PTDSS2: variants seen among roughly 807,000 people sequenced by gnomAD.
PTDSS2 encodes PSS-2.
In PTDSS2, 41 loss-of-function variants were observed where a neutral mutation model predicts 64.7. The ratio of observed to expected loss-of-function variants is 0.63; its 90% CI spans 0.49 to 0.82. PTDSS2 has a LOEUF of 0.82. Among genes scored for constraint, PTDSS2 ranks in the 40% least tolerant of loss-of-function variants. The pLI, the probability that PTDSS2 is intolerant of heterozygous loss-of-function variation, is 0.00. For synonymous variants in PTDSS2, 297 were observed against 277.8 expected, an observed-to-expected ratio of 1.07 and a Z score of -0.69; for missense variants, 485 against 650.0, an observed-to-expected ratio of 0.75 and a Z score of 2.76.
chr11:489,792 G>A (rs894892286), intron 10 of PTDSS2, 59 bp downstream of exon 10: 86 of 1,573,314 alleles, frequency 5.5e-5, no homozygotes, highest in Non-Finnish European at 6.7e-5. Context: ...CGGAGGGCTG[G>A]GGAGCAGAGC....
rs1397873702 is a variant in PTDSS2 at position 456,466 on chromosome 11, G to A, written c.183-3721G>A. On this transcript the variant is annotated intron_variant, in intron 1 of 11. Coordinates refer to ENST00000308020, the MANE Select transcript of PTDSS2 (RefSeq NM_030783.3). ...CTCTGGAATTACAGGTGTGAGCCACGGTACCTGCCCCCAAACACTCCTGAC... is the reference window on the plus strand; with the variant it reads ...CTCTGGAATTACAGGTGTGAGCCACAGTACCTGCCCCCAAACACTCCTGAC... Among the ~76,000 whole-genome samples the A allele has an allele frequency of 1.3e-5, 2 of 151,702 alleles. 1 individual carries two copies. Among genetic ancestry groups the A allele is most frequent in the African/African-American group, 4.8e-5 (2 of 41,270 alleles).
intron 8 of PTDSS2, among the ~76,000 whole-genome samples, chr11:488,895 G>A (rs1848530944): frequency 6.6e-6 from 1 of 152,192 alleles, no homozygotes; most frequent in African/African-American, 2.4e-5. Flanking sequence ...CCTGGCGCAG[G>A]GGCTGTGGGA....
At chr11:452,220 C>A (rs772975567) in intron 1 of PTDSS2, among the ~76,000 whole-genome samples, 2 of 152,200 alleles carry the variant, frequency 1.3e-5, no homozygotes, top group Admixed American at 6.5e-5. Flanking sequence ...CTCATTTGGC[C>A]GTTCAGCACA....
Position 489,536 on chromosome 11 carries a change from A to G in PTDSS2, c.969+22A>G, listed in dbSNP as rs758333488. 3 of 1,610,320 alleles carry G rather than the reference A, an allele frequency of 1.9e-6. No homozygotes were observed. In the Admixed American group the frequency reaches 5.0e-5, roughly 27 times the overall value. ...GGTGGTAAGGCCGGGCTGCCTCGCGACGGCGCGGCGGGCGGGGGGCCAGAG... is the reference window on the plus strand; with the variant it reads ...GGTGGTAAGGCCGGGCTGCCTCGCGGCGGCGCGGCGGGCGGGGGGCCAGAG... On this transcript the variant is annotated intron_variant, in intron 9 of 11. Transcript: ENST00000308020.
chr11:480,845 G>A (rs2133819547), intron 4 of PTDSS2, among the ~76,000 whole-genome samples: 1 of 152,342 alleles, frequency 6.6e-6, no homozygotes, highest in South Asian at 2.1e-4. Context: ...CACTTTGGGA[G>A]GCTGAGGTGG....
chr11:472,405 G>C (rs1351878561), intron 2 of PTDSS2, among the ~76,000 whole-genome samples: 1 of 152,220 alleles, frequency 6.6e-6, no homozygotes, highest in African/African-American at 2.4e-5. Flanking sequence ...GCTGAACCCA[G>C]CAGCGAGGGC....
At chr11:489,554 G>A (rs1364758558) in intron 9 of PTDSS2, 34 bp from the exon 10 acceptor site, 8 of 1,608,670 alleles carry the variant, frequency 5.0e-6, no homozygotes, top group Non-Finnish European at 6.8e-6. Context: ...GCGGGCGGGG[G>A]GCCAGAGCTG....
chr11:450,253 C>A (rs1846251454), upstream of PTDSS2: 4 of 385,354 alleles, frequency 1.0e-5, no homozygotes, highest in East Asian at 1.6e-4. Flanking sequence ...CAAGGCCCAG[C>A]ATGCCCCGCG....
At position 460,011 on chromosome 11, in the gene PTDSS2, C is replaced by T. The variant is rs143315147; in HGVS notation, c.183-176C>T. On this transcript the variant is annotated intron_variant, in intron 1 of 11. Coordinates refer to ENST00000308020, the MANE Select transcript of PTDSS2 (RefSeq NM_030783.3). The surrounding 1 kb of genome is among the most constrained non-coding windows in gnomAD (Gnocchi z 5.8). Reference sequence around the variant, plus strand: ...GTCTCAGCCCTGACTGGCCAGCAGACGCAGGGTCATCTCGGAGTTACCCAG... The same window carrying T: ...GTCTCAGCCCTGACTGGCCAGCAGATGCAGGGTCATCTCGGAGTTACCCAG... The T allele has an allele frequency of 1.2e-3, 729 of 601,602 alleles. 6 individuals carry two copies. The highest frequency in any genetic ancestry group is 0.012 in the African/African-American group (647 of 54,226). 37.3% of individuals were successfully genotyped at this position (601,602 alleles called of 1,614,324 possible). A position where few individuals can be genotyped will look rare whatever the true frequency, so the allele number is the denominator to read the frequency against.
chr11:476,213 C>T lies in PTDSS2; in HGVS notation c.367+2236C>T, dbSNP rs983300938. ...GGGAAGGGCCCAGGGCCCTGTCTGC[C>T]CAGCCGGCTGAGCACAGACGGTCTT... On this transcript the variant is annotated intron_variant, in intron 3 of 11. Coordinates refer to ENST00000308020, the MANE Select transcript of PTDSS2 (RefSeq NM_030783.3). The surrounding 1 kb of genome is among the most constrained non-coding windows in gnomAD (Gnocchi z 4.9). 2.6e-5 allele frequency among the ~76,000 whole-genome samples: 4 copies of T among 152,188 alleles called. No homozygotes were observed. Among genetic ancestry groups the T allele is most frequent in the African/African-American group, 9.7e-5 (4 of 41,444 alleles).
chr11:452,457 T>C (rs1846379767), intron 1 of PTDSS2, among the ~76,000 whole-genome samples: 1 of 152,174 alleles, frequency 6.6e-6, no homozygotes, highest in Admixed American at 6.5e-5. Flanking sequence ...CCGGTCTCTT[T>C]AGAAGCCCAG....
Position 460,834 on chromosome 11 carries a change from T to C in PTDSS2, c.284+546T>C, listed in dbSNP as rs1846845664. 1 of 153,252 alleles carries C rather than the reference T, an allele frequency of 6.5e-6. No homozygotes were observed. The highest frequency in any genetic ancestry group is 2.0e-4 in the South Asian group (1 of 4,886). The allele number at this position is 153,252 out of a possible 1,614,324, so 9.5% of individuals were successfully genotyped here. A position where few individuals can be genotyped will look rare whatever the true frequency, so the allele number is the denominator to read the frequency against. ...TGAATTCCATGGATTCTGACGCCAG[T>C]CTCAGAAGTGCGTGTGGAAGAGAAG... On this transcript the variant is annotated intron_variant, in intron 2 of 11. Coordinates refer to ENST00000308020, the MANE Select transcript of PTDSS2 (RefSeq NM_030783.3). This position sits in a 1 kb window ranked among gnomAD's most constrained non-coding sequence, Gnocchi z 5.8.
At chr11:488,707 C>A in intron 8 of PTDSS2, 60 bp downstream of exon 8, 2 of 1,262,414 alleles carry the variant, frequency 1.6e-6, no homozygotes, top group Non-Finnish European at 2.3e-6. Flanking sequence ...GCAGCCTCAG[C>A]GTCCGTGCTC....
chr11:487,146 C>G (rs978122220), intron 5 of PTDSS2, 73 bp downstream of exon 5: 4 of 1,410,420 alleles, frequency 2.8e-6, no homozygotes, highest in Non-Finnish European at 3.9e-6. Context: ...GCCATCCACG[C>G]TCCTGCCTCG....
At chr11:458,869 T>C (rs955067204) in intron 1 of PTDSS2, 2 of 152,272 alleles carry the variant, frequency 1.3e-5, no homozygotes, top group Admixed American at 1.3e-4. Context: ...AGGGCACAAA[T>C]AGTTTACATT....
intron 3 of PTDSS2, among the ~76,000 whole-genome samples, chr11:477,550 G>A (rs892336798): frequency 6.6e-5 from 10 of 152,152 alleles, no homozygotes; most frequent in Admixed American, 1.3e-4. Flanking sequence ...AGAGGAGTCC[G>A]AGATGCCACC....
chr11:450,368 T>C lies in PTDSS2; in HGVS notation c.-88T>C. ...CGCCGCGACCCCTTCCCAGCGCTCC[T>C]CGCGCTGTGTGCGGCGCGTCCTCTC... On this transcript the variant is annotated 5_prime_UTR_variant, in exon 1 of 12. Coordinates refer to ENST00000308020, the MANE Select transcript of PTDSS2 (RefSeq NM_030783.3). The C allele has an allele frequency of 1.7e-6, 2 of 1,146,768 alleles. No homozygotes were observed. Among genetic ancestry groups the C allele is most frequent in the Non-Finnish European group, 2.2e-6 (2 of 915,108 alleles). The allele number at this position is 1,146,768 out of a possible 1,614,324, so 71.0% of individuals were successfully genotyped here.
chr11:448,604 G>A (rs1029928896), upstream of PTDSS2, among the ~76,000 whole-genome samples: 3 of 152,198 alleles, frequency 2.0e-5, no homozygotes, highest in African/African-American at 4.8e-5. Context: ...GCCTGGGGAG[G>A]CCCAACAGCA....
intron 11 of PTDSS2, 126 bp downstream of exon 11, chr11:490,194 T>A (rs1848607489): frequency 8.3e-7 from 1 of 1,205,532 alleles, no homozygotes. Flanking sequence ...TGGCCGCCTC[T>A]GCGGGAGGCG....
Sources: gnomAD v4.1 joint callset for allele counts (sites outside exome capture counted in the v4.1 genomes callset) on GRCh38, gnomAD v4.1.1 for gene constraint, Gnocchi (gnomAD v3.1) non-coding constraint, MANE v1.5 for transcripts, NCBI Gene and HGNC (gene_info 2026-07-23, HGNC 2026-07-21) for gene names.